The following PHLPP2 variants were observed in gnomAD, a reference collection of about 807,000 sequenced individuals.
The protein encoded by PHLPP2 is PH domain leucine-rich repeat-containing protein phosphatase 2.
In PHLPP2, 66 loss-of-function variants were observed where a neutral mutation model predicts 124.9. The observed-to-expected ratio is 0.53, with a 90% CI of 0.43 to 0.65. The LOEUF (loss-of-function observed/expected upper bound fraction) is 0.65, where lower values mean the gene tolerates loss of function less well. Among genes scored for constraint, PHLPP2 ranks in the 30% least tolerant of loss-of-function variants. The pLI, the probability that PHLPP2 is intolerant of heterozygous loss-of-function variation, is 0.00. For synonymous variants in PHLPP2, 681 were observed against 624.7 expected (o/e 1.09, Z -1.34); for missense variants, 1,685 against 1,600.4 (o/e 1.05, Z -0.90).
rs200189816 is a variant in PHLPP2 at position 71,648,904 on chromosome 16, C to T, written c.3958G>A (p.Asp1320Asn). ...EDRTEPPEEF[D>N]TAL is the part of the protein sequence containing the mutation. ...CAGTGGGGCAGTCATAGTGCTGTGT[C>T]GAACTCCTCCGGGGGCTCGGTCCGA... The change falls in exon 19 of 19, where the codon GAC becomes AAC. Residue 1320 changes from aspartate to asparagine, a missense_variant. Transcript: ENST00000568954. 7 of 1,611,832 alleles carry T rather than the reference C, an allele frequency of 4.3e-6. No individual in the cohort carries two copies. The highest frequency in any genetic ancestry group is 5.9e-6 in the Non-Finnish European group (7 of 1,179,682).
At chr16:71,656,715 T>A (rs1238338268) in intron 15 of PHLPP2, 34 bp from the exon 16 acceptor site, 2 of 1,249,162 alleles carry the variant, frequency 1.6e-6, no homozygotes, top group Admixed American at 3.5e-5. Context: ...AACCATATAT[T>A]CTTCTGTATT....
chr16:71,662,791 G>A (rs1212497234), intron 13 of PHLPP2, among the ~76,000 whole-genome samples: 1 of 151,684 alleles, frequency 6.6e-6, no homozygotes, highest in Non-Finnish European at 1.5e-5. Flanking sequence ...GAGAGGCTGA[G>A]GTAGGAGAAT....
At chr16:71,675,485 T>G (rs1417120761) in intron 9 of PHLPP2, among the ~76,000 whole-genome samples, 1 of 152,168 alleles carries the variant, frequency 6.6e-6, no homozygotes, top group Non-Finnish European at 1.5e-5. Context: ...TACACAAGCT[T>G]TTAAACCACG....
intron 3 of PHLPP2, among the ~76,000 whole-genome samples, chr16:71,693,271 A>C (rs1353269980): frequency 6.6e-6 from 1 of 152,102 alleles, no homozygotes; most frequent in Admixed American, 6.6e-5. Flanking sequence ...TGGGGGACAA[A>C]GCGAGACTCT....
rs764382033 is a variant in PHLPP2, at chr16:71,681,759, T to C, written c.882A>G (p.Thr294=). The C allele has an allele frequency of 1.2e-6, 2 of 1,612,362 alleles. No individual in the cohort carries two copies. Among genetic ancestry groups the C allele is most frequent in the East Asian group, 2.2e-5 (1 of 44,796 alleles). ...ACCCATTCTCCACATACTTGTAGAG[T>C]GTATCGAGGCCTCCGGGTCTTTCTA... ...MQLERPGGLD[T]LYKFSQLKGL... Residue 294 remains threonine, a synonymous_variant, in exon 6 of 19, where the codon ACA becomes ACG. Coordinates refer to ENST00000568954, the MANE Select transcript of PHLPP2 (RefSeq NM_015020.3).
chr16:71,657,371 C>G (rs1466766029), intron 15 of PHLPP2, among the ~76,000 whole-genome samples: 1 of 151,436 alleles, frequency 6.6e-6, no homozygotes, highest in Non-Finnish European at 1.5e-5. Flanking sequence ...AGCCACCACG[C>G]CCGGCCAACA....
intron 4 of PHLPP2, among the ~76,000 whole-genome samples, chr16:71,687,208 C>A (rs985289955): frequency 6.6e-6 from 1 of 152,146 alleles, no homozygotes; most frequent in African/African-American, 2.4e-5. Flanking sequence ...ACCTGTATAT[C>A]TGCTTTGGTG....
chr16:71,668,656 G>A (rs948583143), intron 11 of PHLPP2, among the ~76,000 whole-genome samples: 19 of 151,896 alleles, frequency 1.3e-4, no homozygotes, highest in Non-Finnish European at 1.8e-4. Context: ...CAGCTACTGA[G>A]GGGGAGCTGA....
intron 10 of PHLPP2, among the ~76,000 whole-genome samples, chr16:71,669,803 C>G (rs1014819250): frequency 1.3e-5 from 2 of 152,048 alleles, no homozygotes; most frequent in Admixed American, 1.3e-4. Context: ...ACAGTAGAAG[C>G]AAAAGATAAC....
At chr16:71,693,381 G>C (rs1177350669) in intron 3 of PHLPP2, among the ~76,000 whole-genome samples, 1 of 152,196 alleles carries the variant, frequency 6.6e-6, no homozygotes, top group Non-Finnish European at 1.5e-5. Flanking sequence ...ATCTCCTGAA[G>C]TCACCCATGC....
intron 12 of PHLPP2, chr16:71,666,335 G>C (rs2044839801): frequency 6.6e-6 from 1 of 152,276 alleles, no homozygotes; most frequent in African/African-American, 2.4e-5. Context: ...GAACAAAACG[G>C]TGAAACTGTG....
chr16:71,656,618 T>G lies in PHLPP2; in HGVS notation c.2343A>C (p.Ser781=). ...PLPTTDSTVT[S]TFWSHGLAEM... is the part of the protein sequence containing the mutation. ...CAGCCAGTCCATGGCTCCAGAAGGT[T>G]GACGTAACTGTAGAATCTGTGGTTG... The change falls in exon 16 of 19, where the codon TCA becomes TCC. Residue 781 remains serine, a synonymous_variant. Coordinates refer to ENST00000568954, the MANE Select transcript of PHLPP2 (RefSeq NM_015020.3). 2 of 1,613,830 alleles carry G rather than the reference T, an allele frequency of 1.2e-6. No individual in the cohort carries two copies. The highest frequency in any genetic ancestry group is 1.7e-6 in the Non-Finnish European group (2 of 1,179,734).
intron 4 of PHLPP2, among the ~76,000 whole-genome samples, chr16:71,685,807 T>C (rs1291821817): frequency 1.3e-5 from 2 of 152,236 alleles, no homozygotes; most frequent in African/African-American, 4.8e-5. Context: ...AATCTCTCAC[T>C]GTAAGTTAAT....
intron 15 of PHLPP2, among the ~76,000 whole-genome samples, chr16:71,657,495 C>CGCCAT (rs1455562108): frequency 3.3e-5 from 5 of 151,558 alleles, no homozygotes; most frequent in African/African-American, 1.2e-4. Context: ...CCCGGGTTCA[C>CGCCAT]GCCATTCTCC....
chr16:71,658,762 A>T lies in PHLPP2; in HGVS notation c.2039T>A (p.Leu680His). 1 of 1,614,150 alleles carries T rather than the reference A, an allele frequency of 6.2e-7. No individual in the cohort carries two copies. Among genetic ancestry groups the T allele is most frequent in the Non-Finnish European group, 8.5e-7 (1 of 1,180,020 alleles). Residue 680 changes from leucine to histidine, a missense_variant, in exon 14 of 19, where the codon CTT becomes CAT. Coordinates refer to ENST00000568954, the MANE Select transcript of PHLPP2 (RefSeq NM_015020.3). ...LEELNLSGNK[L>H]KTIPTTIANC... ...TGCTATGGTTGTGGGAATGGTTTTAAGCTTGTTGCCACTTAGGTTCAGTTC... is the reference window on the plus strand; with the variant it reads ...TGCTATGGTTGTGGGAATGGTTTTATGCTTGTTGCCACTTAGGTTCAGTTC...
intron 16 of PHLPP2, 35 bp from the exon 17 acceptor site, chr16:71,655,469 G>C: frequency 3.6e-6 from 5 of 1,395,970 alleles, no homozygotes; most frequent in Non-Finnish European, 5.0e-6. Context: ...AAACAGAAAA[G>C]TTACTGGTAA....
At position 71,652,876 on chromosome 16, in the gene PHLPP2, G is replaced by A. The variant is rs1359229856; in HGVS notation, c.2731C>T (p.Pro911Ser). 2 of 1,614,094 alleles carry A rather than the reference G, an allele frequency of 1.2e-6. No individual in the cohort carries two copies. The highest frequency in any genetic ancestry group is 4.5e-5 in the East Asian group (2 of 44,874). ...CQAVLCRGGK[P>S]VPLSKVFSLE... is the part of the protein sequence containing the mutation. ...CTGAAGACTTTAGAGAGGGGCACTG[G>A]CTTCCCACCTCGGCACAGGACTGCT... Residue 911 changes from proline to serine, a missense_variant, in exon 18 of 19, where the codon CCA becomes TCA. Pro to Ser is a moderately conservative substitution (Grantham distance 74). Transcript: ENST00000568954.
At chr16:71,676,936 C>CA in intron 8 of PHLPP2, 1 of 354,072 alleles carries the variant, frequency 2.8e-6, no homozygotes, top group South Asian at 2.5e-5. Flanking sequence ...TTTAGTAGAG[C>CA]TGGGGTTTCA....
intron 2 of PHLPP2, among the ~76,000 whole-genome samples, chr16:71,707,790 C>T (rs1412956136): frequency 2.6e-5 from 4 of 152,176 alleles, no homozygotes; most frequent in Non-Finnish European, 4.4e-5. Flanking sequence ...GTAAGTATAG[C>T]ACCTTCCTGA....
Sources: allele counts gnomAD v4.1 joint callset (sites outside exome capture counted in the v4.1 genomes callset), GRCh38; gene constraint gnomAD v4.1.1; transcripts MANE v1.5; gene names NCBI Gene and HGNC (gene_info 2026-07-23, HGNC 2026-07-21).